Variants in PRKG1 observed in about 807,000 individuals in gnomAD.
The protein encoded by PRKG1 is cGMP-dependent protein kinase 1.
In PRKG1, 35 loss-of-function variants were observed where a neutral mutation model predicts 88.1. The ratio of observed to expected loss-of-function variants is 0.40; its 90% CI spans 0.30 to 0.53. The LOEUF (loss-of-function observed/expected upper bound fraction) is 0.53, where lower values mean the gene tolerates loss of function less well. Among genes scored for constraint, PRKG1 ranks in the 20% least tolerant of loss-of-function variants. PRKG1 has a pLI of 0.59. For synonymous variants in PRKG1, 303 were observed against 292.5 expected, an observed-to-expected ratio of 1.04 and a Z score of -0.37; for missense variants, 540 against 839.8, an observed-to-expected ratio of 0.64 and a Z score of 4.41.
At chr10:51,106,007 G>A (rs573230952) in intron 1 of PRKG1, among the ~76,000 whole-genome samples, 1 of 152,244 alleles carries the variant, frequency 6.6e-6, no homozygotes, top group Admixed American at 6.5e-5. Flanking sequence ...GAGCAATCAG[G>A]GTTCTGTTTC....
intron 3 of PRKG1, among the ~76,000 whole-genome samples, chr10:51,573,019 A>G (rs549886914): frequency 1.2e-3 from 181 of 151,998 alleles, no homozygotes; most frequent in African/African-American, 4.3e-3. Flanking sequence ...TTAACATTGT[A>G]GATAACTGTC....
intron 7 of PRKG1, among the ~76,000 whole-genome samples, chr10:52,100,877 G>C (rs1312077666): frequency 6.6e-6 from 1 of 152,166 alleles, no homozygotes; most frequent in African/African-American, 2.4e-5. Context: ...AGGAAACATA[G>C]CTTAAAGGAA....
intron 2 of PRKG1, among the ~76,000 whole-genome samples, chr10:51,274,695 A>G (rs1840069571): frequency 6.6e-6 from 1 of 152,222 alleles, no homozygotes; most frequent in Non-Finnish European, 1.5e-5. Context: ...GGCTGATGCC[A>G]TCTTACAACA....
chr10:51,751,873 G>A (rs554244185), intron 3 of PRKG1, among the ~76,000 whole-genome samples: 2 of 151,706 alleles, frequency 1.3e-5, no homozygotes, highest in Non-Finnish European at 2.9e-5. Context: ...GCCTACATAA[G>A]TATTTGTTGC....
intron 4 of PRKG1, among the ~76,000 whole-genome samples, chr10:51,841,029 T>C (rs998022231): frequency 6.6e-6 from 1 of 152,218 alleles, no homozygotes; most frequent in Non-Finnish European, 1.5e-5. Context: ...CACCAATAGA[T>C]GAATGATTTC....
At chr10:51,430,503 C>T (rs1267832518) in intron 2 of PRKG1, among the ~76,000 whole-genome samples, 1 of 152,158 alleles carries the variant, frequency 6.6e-6, no homozygotes, top group Non-Finnish European at 1.5e-5. Flanking sequence ...TTATACACTA[C>T]TACTGTTGTG....
chr10:52,045,480 G>T (rs1013202527), intron 5 of PRKG1, among the ~76,000 whole-genome samples: 2 of 152,108 alleles, frequency 1.3e-5, no homozygotes, highest in Non-Finnish European at 2.9e-5. Flanking sequence ...CAATGTTACA[G>T]GTAAGTGAGG....
intron 9 of PRKG1, among the ~76,000 whole-genome samples, chr10:52,166,808 T>C (rs1487715784): frequency 3.2e-3 from 4 of 1,242 alleles, no homozygotes; most frequent in East Asian, 0.042. Context: ...CATATATATA[T>C]GTATATATAT....
chr10:51,170,437 TACACACACAC>T (rs56159895), intron 2 of PRKG1, among the ~76,000 whole-genome samples: 1 of 144,548 alleles, frequency 6.9e-6, no homozygotes, highest in Non-Finnish European at 1.5e-5. Flanking sequence ...TGTCTGGGTA[TACACACACAC>T]ACACACACAC....
At chr10:51,731,851 A>T (rs1291213720) in intron 3 of PRKG1, among the ~76,000 whole-genome samples, 2 of 152,120 alleles carry the variant, frequency 1.3e-5, no homozygotes, top group Non-Finnish European at 2.9e-5. Context: ...GTTTAATGTC[A>T]AGGTGTTTAA....
chr10:52,259,134 AG>A (rs1841375429), intron 10 of PRKG1, among the ~76,000 whole-genome samples: 1 of 151,868 alleles, frequency 6.6e-6, no homozygotes, highest in Non-Finnish European at 1.5e-5. Context: ...AAAAAAAAAA[AG>A]AGTTGTTTGG....
intron 7 of PRKG1, among the ~76,000 whole-genome samples, chr10:52,112,487 T>C (rs749851995): frequency 2.6e-5 from 4 of 152,212 alleles, no homozygotes; most frequent in Non-Finnish European, 5.9e-5. Context: ...CCAAGGTTCA[T>C]AAGATATCTT....
chr10:51,138,017 T>C (rs1845728901), intron 1 of PRKG1, among the ~76,000 whole-genome samples: 1 of 152,164 alleles, frequency 6.6e-6, no homozygotes, highest in Non-Finnish European at 1.5e-5. Flanking sequence ...AGGTTATGTA[T>C]TGGTGGTTCC....
chr10:50,996,593 G>A (rs1034371323), intron 1 of PRKG1, among the ~76,000 whole-genome samples: 1 of 152,172 alleles, frequency 6.6e-6, no homozygotes, highest in Non-Finnish European at 1.5e-5. Context: ...CCATTTACCA[G>A]TCCTTCATCT....
intron 5 of PRKG1, among the ~76,000 whole-genome samples, chr10:52,021,436 A>T (rs1459735660): frequency 6.6e-6 from 1 of 152,184 alleles, no homozygotes; most frequent in Admixed American, 6.5e-5. Flanking sequence ...AATGAATAGG[A>T]TAGTAAATAT....
chr10:51,864,419 T>G (rs1840964221), intron 4 of PRKG1, among the ~76,000 whole-genome samples: 1 of 152,226 alleles, frequency 6.6e-6, no homozygotes, highest in South Asian at 2.1e-4. Context: ...TTAAAAAGTT[T>G]GGAATGTATT....
At chr10:52,195,939 T>A (rs937619612) in intron 9 of PRKG1, among the ~76,000 whole-genome samples, 2 of 152,168 alleles carry the variant, frequency 1.3e-5, no homozygotes, top group Non-Finnish European at 2.9e-5. Flanking sequence ...AAATGAGAAC[T>A]GAAAAAATGG....
rs1843414715 is a variant in PRKG1, at chr10:51,960,256, G to C, written c.762+52686G>C. ...CTGAACTCATTTAAATGAGCTACCT[G>C]CTCTAACAGGCACTTGAGTTTTCTA... On this transcript the variant is annotated intron_variant, in intron 5 of 17. Coordinates refer to ENST00000373980, the MANE Select transcript of PRKG1 (RefSeq NM_006258.4). 2.6e-5 allele frequency among the ~76,000 whole-genome samples: 4 copies of C among 151,622 alleles called. No homozygotes were observed. In the South Asian group the frequency reaches 6.2e-4, roughly 24 times the overall value.
chr10:51,499,033 G>A (rs1445235032), intron 3 of PRKG1, among the ~76,000 whole-genome samples: 1 of 152,116 alleles, frequency 6.6e-6, no homozygotes, highest in Non-Finnish European at 1.5e-5. Flanking sequence ...TGACCTAAGA[G>A]GTAAAGTGAG....
Sources: allele counts gnomAD v4.1 joint callset (sites outside exome capture counted in the v4.1 genomes callset), GRCh38; gene constraint gnomAD v4.1.1; transcripts MANE v1.5; gene names NCBI Gene and HGNC (gene_info 2026-07-23, HGNC 2026-07-21).